Variants in URB2 observed in about 807,000 individuals in gnomAD.
URB2 encodes the protein unhealthy ribosome biogenesis protein 2 homolog.
Under a neutral mutation model 120.9 loss-of-function variants are expected in URB2, and 86 were observed. The ratio of observed to expected loss-of-function variants is 0.71; its 90% CI spans 0.60 to 0.85. The LOEUF (loss-of-function observed/expected upper bound fraction) is 0.85. URB2 is among the 40% of genes least tolerant of loss of function. URB2 has a pLI of 0.00. For missense variants in URB2, 1,765 were observed against 1,836.5 expected (o/e 0.96, Z 0.71); for synonymous variants, 755 against 758.4 (o/e 1.00, Z 0.07).
At chr1:229,659,064 C>G in intron 9 of URB2, 36 bp from the exon 10 acceptor site, 1 of 1,592,670 alleles carries the variant, frequency 6.3e-7, no homozygotes, top group Non-Finnish European at 8.6e-7. Context: ...ATCTCTGCCC[C>G]CAATTGTTCT....
At chr1:229,628,156 G>GTA (rs1665566352) in intron 2 of URB2, among the ~76,000 whole-genome samples, 3 of 99,602 alleles carry the variant, frequency 3.0e-5, no homozygotes, top group African/African-American at 1.3e-4. Flanking sequence ...AATATATATA[G>GTA]TATATGTATA....
In URB2 at chr1:229,632,330, A is replaced by G. The variant is rs1471577010; in HGVS notation, c.188A>G (p.Lys63Arg). 6 of 1,595,226 alleles carry G rather than the reference A, an allele frequency of 3.8e-6. No individual in the cohort carries two copies. Among genetic ancestry groups the G allele is most frequent in the Admixed American group, 3.6e-5 (2 of 54,990 alleles). Reference sequence around the variant, plus strand: ...TTTTATAAGAAAAAGCTTGAACTGAAGGAAGATATTGTTGAAAGGCTTTGG... The same window carrying G: ...TTTTATAAGAAAAAGCTTGAACTGAGGGAAGATATTGTTGAAAGGCTTTGG... ...VAFYKKKLEL[K>R]EDIVERLWIY... is the part of the protein sequence containing the mutation. Residue 63 changes from lysine (K) to arginine (R), a missense_variant, in exon 3 of 10, where the codon AAG becomes AGG. Lys to Arg is a conservative substitution (Grantham distance 26, BLOSUM62 2). Transcript: ENST00000258243.
At chr1:229,651,157 T>A (rs144129204) in intron 7 of URB2, 78 bp from the exon 8 acceptor site, 3 of 1,345,488 alleles carry the variant, frequency 2.2e-6, no homozygotes, top group East Asian at 5.2e-5. Context: ...AAGAAAGAAA[T>A]AAGTATGAGC....
chr1:229,638,647 A>AG (rs1459309236), intron 4 of URB2, among the ~76,000 whole-genome samples: 2 of 147,660 alleles, frequency 1.4e-5, no homozygotes, highest in African/African-American at 4.9e-5. Context: ...GTCTGTCTCA[A>AG]AAAAAAAAAA....
At chr1:229,628,102 TATATATGTATATATATGTATATATAC>T (rs1156888719) in intron 2 of URB2, among the ~76,000 whole-genome samples, 1 of 134,780 alleles carries the variant, frequency 7.4e-6, no homozygotes, top group East Asian at 2.0e-4. Context: ...TTATATATAT[TATATATGTATATATATGTATATATAC>T]ATATATAATA....
At chr1:229,627,894 G>A in intron 2 of URB2, 135 bp downstream of exon 2, 2 of 1,123,918 alleles carry the variant, frequency 1.8e-6, no homozygotes, top group Non-Finnish European at 1.2e-6. Context: ...GAAGTTAAAT[G>A]TAATGTCAAT....
At chr1:229,651,111 C>T in intron 7 of URB2, 124 bp from the exon 8 acceptor site, 1 of 825,432 alleles carries the variant, frequency 1.2e-6, no homozygotes, top group Non-Finnish European at 1.7e-6. Flanking sequence ...TCCCTGGGCA[C>T]ACACAACTGG....
chr1:229,647,846 A>AG (rs1354228251), intron 7 of URB2, 94 bp downstream of exon 7: 5 of 1,509,224 alleles, frequency 3.3e-6, no homozygotes, highest in Non-Finnish European at 4.4e-6. Context: ...TTACTGTTGC[A>AG]GGATAATAAT....
chr1:229,641,901 T>A (rs758637876), intron 4 of URB2, among the ~76,000 whole-genome samples: 33 of 152,020 alleles, frequency 2.2e-4, no homozygotes, highest in Non-Finnish European at 4.3e-4. Flanking sequence ...TCCCAACTAC[T>A]CCGAAGGCTG....
intron 7 of URB2, 123 bp from the exon 8 acceptor site, chr1:229,651,112 A>G (rs1276154960): frequency 1.2e-6 from 1 of 843,598 alleles, no homozygotes; most frequent in Non-Finnish European, 1.7e-6. Context: ...CCCTGGGCAC[A>G]CACAACTGGT....
chr1:229,652,420 T>C (rs560374188), intron 8 of URB2, among the ~76,000 whole-genome samples: 2 of 152,128 alleles, frequency 1.3e-5, no homozygotes, highest in African/African-American at 4.8e-5. Flanking sequence ...TCTCCCACCA[T>C]TGTGGTTCAG....
intron 1 of URB2, among the ~76,000 whole-genome samples, chr1:229,626,867 A>C (rs1665499140): frequency 6.6e-6 from 1 of 152,274 alleles, no homozygotes; most frequent in Non-Finnish European, 1.5e-5. Context: ...AACTGACAGC[A>C]CTTGACGTTC....
At position 229,635,782 on chromosome 1, in the gene URB2, A is replaced by G. The variant is rs1359285423; in HGVS notation, c.1169A>G (p.Tyr390Cys). 1 of 1,614,150 alleles carries G rather than the reference A, an allele frequency of 6.2e-7. No homozygotes were observed. The highest frequency in any genetic ancestry group is 8.5e-7 in the Non-Finnish European group (1 of 1,180,024). The change falls in exon 4 of 10, where the codon TAC becomes TGC. Residue 390 changes from tyrosine to cysteine, a missense_variant. By Grantham distance (194) the Tyr-to-Cys change is radical. Coordinates refer to ENST00000258243, the MANE Select transcript of URB2 (RefSeq NM_014777.4). ...CACGAAGAGGCTCAGTTCCGCTTTT[A>G]CCGCCACGTGGCTGAGCTGCTGATA... ...IRHEEAQFRF[Y>C]RHVAELLINH... is the part of the protein sequence containing the mutation.
At chr1:229,632,811 GTT>G (rs5781547) in intron 3 of URB2, among the ~76,000 whole-genome samples, 295 of 101,794 alleles carry the variant, frequency 2.9e-3, no homozygotes, top group South Asian at 0.021. Context: ...TTCCTCAAAG[GTT>G]TTTTTTTTTT....
In URB2 at chr1:229,636,289, G is replaced by C. The variant is rs768638606; in HGVS notation, c.1676G>C (p.Ser559Thr). 9.9e-6 allele frequency: 16 copies of C among 1,614,162 alleles called. No homozygotes were observed. The highest frequency in any genetic ancestry group is 1.7e-5 in the Admixed American group (1 of 60,036). ...IMFNMRSLDS[S>T]TPLPIVRRTQ... ...TTCAACATGAGGAGCCTGGACAGCA[G>C]CACGCCTCTGCCCATTGTCAGACGG... is the stretch of plus-strand genomic sequence containing the variant. Residue 559 changes from serine (S) to threonine (T), a missense_variant, in exon 4 of 10, where the codon AGC becomes ACC. Transcript: ENST00000258243.
intron 2 of URB2, among the ~76,000 whole-genome samples, chr1:229,628,219 C>CATATTATATATGTATATATTATACAT (rs1558160294): frequency 1.1e-4 from 16 of 141,080 alleles, no homozygotes; most frequent in African/African-American, 3.9e-4. Context: ...TATACATATA[C>CATATTATATATGTATATATTATACAT]ATATTATATA....
intron 9 of URB2, 144 bp downstream of exon 9, chr1:229,654,532 A>G: frequency 8.1e-7 from 1 of 1,231,044 alleles, no homozygotes; most frequent in South Asian, 1.5e-5. Flanking sequence ...TTGCTCTCTC[A>G]CTCAGGCTGG....
intron 4 of URB2, among the ~76,000 whole-genome samples, chr1:229,641,082 G>A (rs1250665687): frequency 1.4e-5 from 2 of 144,132 alleles, no homozygotes; most frequent in African/African-American, 2.6e-5. Context: ...GCCCGGTCTC[G>A]GCTCACTGCA....
At chr1:229,631,059 T>A (rs1665656533) in intron 2 of URB2, among the ~76,000 whole-genome samples, 1 of 149,166 alleles carries the variant, frequency 6.7e-6, no homozygotes, top group South Asian at 2.1e-4. Context: ...ACTCTGAAAA[T>A]CTGTTGTTTA....
Sources: gnomAD v4.1 joint callset for allele counts (sites outside exome capture counted in the v4.1 genomes callset) on GRCh38, gnomAD v4.1.1 for gene constraint, MANE v1.5 for transcripts, NCBI Gene and HGNC (gene_info 2026-07-23, HGNC 2026-07-21) for gene names.